The following USP53 variants were observed in gnomAD, a reference collection of about 807,000 sequenced individuals.
USP53 encodes ubiquitin carboxyl-terminal hydrolase 53.
A neutral mutation model predicts 94.9 loss-of-function variants in USP53; 71 were observed. The observed-to-expected ratio is 0.75, with a 90% CI of 0.62 to 0.91. The LOEUF is 0.91. Among genes scored for constraint, USP53 ranks in the 40% least tolerant of loss-of-function variants. The pLI, the probability that USP53 is intolerant of heterozygous loss-of-function variation, is 0.00. For synonymous variants in USP53, 375 were observed against 422.7 expected (o/e 0.89, Z 1.39); for missense variants, 1,173 against 1,281.0 (o/e 0.92, Z 1.29).
At chr4:119,265,278 A>C (rs191359980) in intron 12 of USP53, among the ~76,000 whole-genome samples, 108 of 152,314 alleles carry the variant, frequency 7.1e-4, no homozygotes, top group African/African-American at 2.5e-3. Context: ...TTTATATTTA[A>C]AATCAGCACT....
chr4:119,256,620 C>A, intron 9 of USP53, 97 bp downstream of exon 9: 3 of 1,236,484 alleles, frequency 2.4e-6, no homozygotes, highest in East Asian at 2.4e-5. Flanking sequence ...CATGAATTTC[C>A]CCTCTCTGTC....
intron 6 of USP53, among the ~76,000 whole-genome samples, chr4:119,248,137 T>C (rs1366373218): frequency 6.6e-6 from 1 of 152,176 alleles, no homozygotes; most frequent in Non-Finnish European, 1.5e-5. Context: ...TGCTTAAGTT[T>C]AATAAGGAAA....
Position 119,248,628 on chromosome 4 carries a change from C to T in USP53, c.238-120C>T, listed in dbSNP as rs1748562092. On this transcript the variant is annotated intron_variant, in intron 6 of 18. Transcript: ENST00000692078. ...TTAATTTTTGTATGAAATTTTAGAG[C>T]AAAAGACTTCTGTATTATTTTCCAA... 31 of 1,223,490 alleles carry T rather than the reference C, an allele frequency of 2.5e-5. 1 individual carries two copies. In the South Asian group the frequency reaches 5.3e-4, roughly 21 times the overall value. The allele number at this position is 1,223,490 out of a possible 1,614,324, so 75.8% of individuals were successfully genotyped here.
chr4:119,273,584 A>T lies in USP53; in HGVS notation c.2175-48A>T, dbSNP rs572968264. On this transcript the variant is annotated intron_variant, in intron 16 of 18. Coordinates refer to ENST00000692078, the MANE Select transcript of USP53 (RefSeq NM_001371395.1). ...TGTTGTTTTTTTTTAGACTAAACAA[A>T]GGCAGTCCATAATACCTGATGTGTT... 2.8e-6 allele frequency: 4 copies of T among 1,453,400 alleles called. No individual in the cohort carries two copies. The African/African-American group carries it at 5.6e-5, about 21-fold the overall frequency. The allele number at this position is 1,453,400 out of a possible 1,614,324, so 90.0% of individuals were successfully genotyped here.
At chr4:119,252,549 A>T (rs1215794765) in intron 7 of USP53, among the ~76,000 whole-genome samples, 1 of 152,104 alleles carries the variant, frequency 6.6e-6, no homozygotes, top group Non-Finnish European at 1.5e-5. Context: ...CTGTGATGGT[A>T]GTTTATATTC....
upstream of USP53, chr4:119,212,679 G>A (rs1743009097): frequency 2.9e-6 from 1 of 346,244 alleles, no homozygotes; most frequent in African/African-American, 2.1e-5. Flanking sequence ...ACAGGGTCGG[G>A]CTCTGGGCGG....
At position 119,245,242 on chromosome 4, in the gene USP53, G is replaced by T. The variant is rs934886387; in HGVS notation, c.145-95G>T. The T allele has an allele frequency of 6.3e-6, 7 of 1,118,182 alleles. No individual in the cohort carries two copies. In the Admixed American group the frequency reaches 1.3e-4, roughly 21 times the overall value. The allele number at this position is 1,118,182 out of a possible 1,614,324, so 69.3% of individuals were successfully genotyped here. On this transcript the variant is annotated intron_variant, in intron 5 of 18. Transcript: ENST00000692078. ...GGCAATTAAAAGAAGTTACTTGTTC[G>T]CCTTTTGCAATTTGTAAAATATCTA...
At chr4:119,235,785 T>G (rs1746658351) in intron 4 of USP53, among the ~76,000 whole-genome samples, 2 of 152,232 alleles carry the variant, frequency 1.3e-5, no homozygotes. Context: ...TTCTCTTAGG[T>G]GGCTTCTTCA....
intron 3 of USP53, chr4:119,220,439 C>A (rs139208676): frequency 6.6e-6 from 1 of 152,184 alleles, no homozygotes; most frequent in Admixed American, 6.5e-5. Flanking sequence ...TGCAGTTTGA[C>A]AAATATAAAT....
At chr4:119,289,634 T>C (rs1273621986) in intron 17 of USP53, among the ~76,000 whole-genome samples, 1 of 152,188 alleles carries the variant, frequency 6.6e-6, no homozygotes, top group Non-Finnish European at 1.5e-5. Flanking sequence ...GATAAGTGGG[T>C]GATGATGTTC....
Position 119,253,628 on chromosome 4 carries a change from G to A in USP53, c.373-2618G>A, listed in dbSNP as rs1204386813. Among the ~76,000 whole-genome samples, 8 of 152,090 alleles carry A rather than the reference G, an allele frequency of 5.3e-5. No homozygotes were observed. The East Asian group carries it at 1.5e-3, about 29-fold the overall frequency. On this transcript the variant is annotated intron_variant, in intron 7 of 18. Transcript: ENST00000692078. ...TATGTGTGTCTCTGCACATGAGATG[G>A]GTCTCCTGAATACAGCACACTGATG...
At position 119,245,152 on chromosome 4, in the gene USP53, A is replaced by G. The variant is rs992791036; in HGVS notation, c.145-185A>G. 1.6e-4 allele frequency among the ~76,000 whole-genome samples: 25 copies of G among 152,216 alleles called. 1 individual carries two copies. Among genetic ancestry groups the G allele is most frequent in the Admixed American group, 1.6e-3 (24 of 15,282 alleles). On this transcript the variant is annotated intron_variant, in intron 5 of 18. Transcript: ENST00000692078. ...TGAATCCAACTTTTATATATGCACA[A>G]CATGCATGTAGCAATTTTATACTTG... is the stretch of plus-strand genomic sequence containing the variant.
chr4:119,235,128 G>T (rs1232016910), intron 3 of USP53, among the ~76,000 whole-genome samples, 162 bp from the exon 4 acceptor site: 1 of 152,196 alleles, frequency 6.6e-6, no homozygotes, highest in Non-Finnish European at 1.5e-5. Context: ...TCCTGACTTG[G>T]ATTCTTTTAG....
rs779848165 is a variant in USP53, at chr4:119,245,423, A to G, written c.231A>G (p.Ala77=). The G allele has an allele frequency of 1.9e-6, 3 of 1,613,700 alleles. No homozygotes were observed. Among genetic ancestry groups the G allele is most frequent in the East Asian group, 2.2e-5 (1 of 44,824 alleles). The change falls in exon 6 of 19, where the codon GCA becomes GCG. Residue 77 remains alanine, a synonymous_variant. Transcript: ENST00000692078. ...VCQGDACIFC[A]LKTIFAQFQH... is the part of the protein sequence containing the mutation. ...AGGGAGATGCCTGTATATTTTGTGC[A>G]TTGAAGGTAACCTTTTAATAGCTCT...
At chr4:119,277,922 C>T (rs1477413737) in intron 17 of USP53, among the ~76,000 whole-genome samples, 1 of 130,476 alleles carries the variant, frequency 7.7e-6, no homozygotes, top group Non-Finnish European at 1.7e-5. Context: ...AGGATTGCAA[C>T]CCCTGCCTTT....
intron 6 of USP53, among the ~76,000 whole-genome samples, chr4:119,247,189 A>G (rs928518755): frequency 4.6e-5 from 7 of 151,968 alleles, no homozygotes; most frequent in Non-Finnish European, 1.0e-4. Context: ...TCCTAGACCA[A>G]CTCTCTTGTA....
At position 119,239,405 on chromosome 4, in the gene USP53, A is replaced by G. The variant is rs1421333812; in HGVS notation, c.-355A>G. 1 of 242,842 alleles carries G rather than the reference A, an allele frequency of 4.1e-6. No homozygotes were observed. Among genetic ancestry groups the G allele is most frequent in the Non-Finnish European group, 7.8e-6 (1 of 128,658 alleles). The allele number at this position is 242,842 out of a possible 1,614,324, so 15.0% of individuals were successfully genotyped here. A position where few individuals can be genotyped will look rare whatever the true frequency, so the allele number is the denominator to read the frequency against. ...TTTTATGCATCAAGACAAATGGCTT[A>G]TGCATTAAAGGGGATGATTCGTTCA... On this transcript the variant is annotated 5_prime_UTR_variant, in exon 5 of 19. The change abolishes an upstream ATG in the 5' untranslated region. Transcript: ENST00000692078.
At chr4:119,220,918 G>A (rs1278558005) in intron 3 of USP53, 1 of 152,212 alleles carries the variant, frequency 6.6e-6, no homozygotes, top group African/African-American at 2.4e-5. Context: ...TTAGGAATAA[G>A]AGAGGATTCT....
In USP53 at chr4:119,231,185, TC is replaced by T. The variant is rs1409092982; in HGVS notation, c.-664-4104del. Among the ~76,000 whole-genome samples the T allele has an allele frequency of 2.0e-5, 3 of 152,294 alleles. No individual in the cohort carries two copies. The East Asian group carries it at 5.8e-4, about 29-fold the overall frequency. Reference sequence around the variant, plus strand: ...TGGAATCAGAAAGTCCAACTTATGTTCAAAGTGGATGCAGAGGTAACATAAA... The same window carrying T: ...TGGAATCAGAAAGTCCAACTTATGTTAAAGTGGATGCAGAGGTAACATAAA... On this transcript the variant is annotated intron_variant, in intron 3 of 18. Coordinates refer to ENST00000692078, the MANE Select transcript of USP53 (RefSeq NM_001371395.1).
Sources: allele counts gnomAD v4.1 joint callset (sites outside exome capture counted in the v4.1 genomes callset), GRCh38; gene constraint gnomAD v4.1.1; transcripts MANE v1.5; gene names NCBI Gene and HGNC (gene_info 2026-07-23, HGNC 2026-07-21).